WNT9B: variants seen among roughly 807,000 people sequenced by gnomAD.
WNT9B encodes the protein protein Wnt-9b.
Under a neutral mutation model 30.2 loss-of-function variants are expected in WNT9B, and 12 were observed. The ratio of observed to expected loss-of-function variants is 0.40; its 90% CI spans 0.26 to 0.64. The LOEUF (loss-of-function observed/expected upper bound fraction) is 0.64. WNT9B is among the 30% of genes least tolerant of loss of function. WNT9B has a pLI of 0.42. For synonymous variants in WNT9B, 218 were observed against 216.9 expected (o/e 1.01, Z -0.05); for missense variants, 442 against 485.2 (o/e 0.91, Z 0.84).
intron 1 of WNT9B, among the ~76,000 whole-genome samples, chr17:46,839,973 TTTCTCTTCTTTCTTTCTTTTTTCTTTC>T (rs2146521234): frequency 2.1e-5 from 3 of 140,594 alleles, no homozygotes; most frequent in African/African-American, 7.9e-5. Flanking sequence ...TCTTTCTTTC[TTTCTCTTCTTTCTTTCTTTTTTCTTTC>T]TTCTTTCTTT....
chr17:46,857,988 G>A (rs2084967673), intron 1 of WNT9B, among the ~76,000 whole-genome samples: 2 of 152,160 alleles, frequency 1.3e-5, no homozygotes, highest in South Asian at 2.1e-4. Context: ...GGAGTACAAT[G>A]GCATGATCTT....
intron 2 of WNT9B, 61 bp downstream of exon 2, chr17:46,872,834 G>A: frequency 6.7e-7 from 1 of 1,492,096 alleles, no homozygotes. Flanking sequence ...GGAGGAGGAG[G>A]CTGGGAGAGG....
chr17:46,880,859 A>T (rs1481011627), downstream of WNT9B, among the ~76,000 whole-genome samples: 2 of 152,180 alleles, frequency 1.3e-5, no homozygotes, highest in Non-Finnish European at 2.9e-5. Flanking sequence ...CAGAGCCTGC[A>T]TCCTTCCTGG....
upstream of WNT9B, among the ~76,000 whole-genome samples, chr17:46,850,662 T>C (rs778522790): frequency 6.6e-6 from 1 of 152,244 alleles, no homozygotes; most frequent in Non-Finnish European, 1.5e-5. Context: ...ATTGGTTGTA[T>C]GTCTCCTTTC....
chr17:46,839,972 C>CTTTCTTTA (rs2084686983), intron 1 of WNT9B, among the ~76,000 whole-genome samples: 1 of 124,936 alleles, frequency 8.0e-6, no homozygotes, highest in Admixed American at 8.5e-5. Context: ...TTCTTTCTTT[C>CTTTCTTTA]TTTCTCTTCT....
At chr17:46,845,844 G>A (rs1174729053) in intron 1 of WNT9B, among the ~76,000 whole-genome samples, 1 of 143,036 alleles carries the variant, frequency 7.0e-6, no homozygotes, top group East Asian at 2.0e-4. Context: ...AGGCTAGAGT[G>A]CAGTGGTGTG....
Position 46,851,664 on chromosome 17 carries a change from T to C in WNT9B, c.26T>C (p.Leu9Pro). The C allele has an allele frequency of 7.7e-7, 1 of 1,292,950 alleles. No homozygotes were observed. The highest frequency in any genetic ancestry group is 9.8e-7 in the Non-Finnish European group (1 of 1,023,788). 80.1% of individuals were successfully genotyped at this position (1,292,950 alleles called of 1,614,324 possible). The change falls in exon 1 of 4, where the codon CTG becomes CCG. Residue 9 changes from leucine (L) to proline (P), a missense_variant. Physicochemically the swap from Leu to Pro is moderately conservative, Grantham distance 98. Coordinates refer to ENST00000290015, the MANE Select transcript of WNT9B (RefSeq NM_003396.3). This position sits in a 1 kb window ranked among gnomAD's most constrained non-coding sequence, Gnocchi z 4.3. MRPPPALA[L>P]AGLCLLALPA... Reference sequence around the variant, plus strand: ...ATGCGCCCCCCGCCCGCGCTGGCCCTGGCCGGGCTCTGCCTGCTGGCGCTG... The same window carrying C: ...ATGCGCCCCCCGCCCGCGCTGGCCCCGGCCGGGCTCTGCCTGCTGGCGCTG...
upstream of WNT9B, among the ~76,000 whole-genome samples, chr17:46,850,140 G>GT: frequency 6.6e-6 from 1 of 152,284 alleles, no homozygotes; most frequent in East Asian, 1.9e-4. Flanking sequence ...ATGAGCCAAC[G>GT]TGCCTGGCCA....
At chr17:46,836,307 T>C (rs2084632055) in intron 1 of WNT9B, among the ~76,000 whole-genome samples, 1 of 152,134 alleles carries the variant, frequency 6.6e-6, no homozygotes, top group Non-Finnish European at 1.5e-5. Flanking sequence ...AGGGACATAA[T>C]TGCATTCCTT....
chr17:46,886,294 A>G (rs1238599737), exon 5 of WNT9B: 4 of 152,298 alleles, frequency 2.6e-5, no homozygotes, highest in Non-Finnish European at 4.4e-5. Context: ...ACCTATATCA[A>G]TTGGTGGGGA....
At chr17:46,848,929 C>T (rs1049717834), upstream of WNT9B, among the ~76,000 whole-genome samples, 14 of 143,694 alleles carry the variant, frequency 9.7e-5, no homozygotes, top group Admixed American at 2.8e-4. Context: ...CATGTGTGCA[C>T]GTGCACACAC....
At chr17:46,872,910 C>G (rs2085275849) in intron 2 of WNT9B, 137 bp downstream of exon 2, 1 of 1,104,212 alleles carries the variant, frequency 9.1e-7, no homozygotes, top group Admixed American at 3.1e-5. Flanking sequence ...TAGCACGGTC[C>G]CAAATGAGAA....
chr17:46,851,773 G>A lies in WNT9B; in HGVS notation c.77+58G>A, dbSNP rs925390041. 29 of 923,764 alleles carry A rather than the reference G, an allele frequency of 3.1e-5. No homozygotes were observed. Among genetic ancestry groups the A allele is most frequent in the Non-Finnish European group, 3.6e-5 (25 of 701,264 alleles). 57.2% of individuals were successfully genotyped at this position (923,764 alleles called of 1,614,324 possible). ...CGGCCTGCCTGTCTCTCCCTCCTGCGCTACAGCTGGGCCAATTTTTCCCTC... is the reference window on the plus strand; with the variant it reads ...CGGCCTGCCTGTCTCTCCCTCCTGCACTACAGCTGGGCCAATTTTTCCCTC... On this transcript the variant is annotated intron_variant, in intron 1 of 3. Coordinates refer to ENST00000290015, the MANE Select transcript of WNT9B (RefSeq NM_003396.3). This position sits in a 1 kb window ranked among gnomAD's most constrained non-coding sequence, Gnocchi z 4.3.
chr17:46,868,002 G>A (rs774776517), intron 1 of WNT9B, among the ~76,000 whole-genome samples: 3 of 152,120 alleles, frequency 2.0e-5, no homozygotes, highest in South Asian at 2.1e-4. Flanking sequence ...GGAGGCGGCC[G>A]CTGTTCACCT....
chr17:46,876,336 T>A lies in WNT9B; in HGVS notation c.692T>A (p.Phe231Tyr). The A allele has an allele frequency of 6.2e-7, 1 of 1,614,166 alleles. No homozygotes were observed. Residue 231 changes from phenylalanine (F) to tyrosine (Y), a missense_variant, in exon 4 of 4, where the codon TTC becomes TAC. Phe to Tyr is a conservative substitution (Grantham distance 22). Coordinates refer to ENST00000290015, the MANE Select transcript of WNT9B (RefSeq NM_003396.3). ...VRTCWKQLSP[F>Y]RETGQVLKLR... ...ACCTGCTGGAAGCAGCTCTCCCCGT[T>A]CCGTGAGACGGGCCAGGTGCTGAAA...
downstream of WNT9B, chr17:46,885,024 T>G: frequency 2.3e-6 from 1 of 438,824 alleles, no homozygotes; most frequent in Non-Finnish European, 4.5e-6. Context: ...GTCTTGTTCT[T>G]GTTGCGCAGG....
chr17:46,881,172 C>A (rs555965080), downstream of WNT9B, among the ~76,000 whole-genome samples: 14 of 152,330 alleles, frequency 9.2e-5, no homozygotes, highest in East Asian at 2.3e-3. Context: ...CTCAGGCCTG[C>A]CCTGCCCCAG....
chr17:46,845,335 C>T (rs1439467992), intron 1 of WNT9B, among the ~76,000 whole-genome samples: 2 of 152,088 alleles, frequency 1.3e-5, no homozygotes, highest in African/African-American at 2.4e-5. Flanking sequence ...TCTAGGTCAG[C>T]TCACTGTATT....
chr17:46,834,958 T>G (rs1307624320), intron 1 of WNT9B, among the ~76,000 whole-genome samples: 1 of 152,086 alleles, frequency 6.6e-6, no homozygotes, highest in Non-Finnish European at 1.5e-5. Context: ...CTCCCTAGAT[T>G]GGCCCTCAGT....
Sources: allele counts gnomAD v4.1 joint callset (sites outside exome capture counted in the v4.1 genomes callset), GRCh38; gene constraint gnomAD v4.1.1; non-coding constraint Gnocchi (gnomAD v3.1); transcripts MANE v1.5; gene names NCBI Gene and HGNC (gene_info 2026-07-23, HGNC 2026-07-21).